The following MYO1D variants were observed in gnomAD, a reference collection of about 807,000 sequenced individuals.
The protein encoded by MYO1D is unconventional myosin-Id.
In MYO1D, 83 loss-of-function variants were observed where a neutral mutation model predicts 122.0. The observed-to-expected ratio is 0.68, with a 90% CI of 0.57 to 0.82. The LOEUF is 0.82. Among genes scored for constraint, MYO1D ranks in the 40% least tolerant of loss-of-function variants. The pLI, the probability that MYO1D is intolerant of heterozygous loss-of-function variation, is 0.00. For synonymous variants in MYO1D, 464 were observed against 446.9 expected (o/e 1.04, Z -0.48); for missense variants, 1,157 against 1,269.5 (o/e 0.91, Z 1.35).
At chr17:32,680,560 CATTT>C (rs2150966511) in intron 16 of MYO1D, among the ~76,000 whole-genome samples, 1 of 122,442 alleles carries the variant, frequency 8.2e-6, no homozygotes, top group East Asian at 2.4e-4. Context: ...TGCTGGATTA[CATTT>C]ATTGATTTGC....
intron 1 of MYO1D, among the ~76,000 whole-genome samples, chr17:32,860,256 A>G (rs2091058708): frequency 6.6e-6 from 1 of 152,198 alleles, no homozygotes; most frequent in African/African-American, 2.4e-5. Context: ...CTCTCTTATC[A>G]TTAGCCTTCT....
At chr17:32,515,091 G>A (rs540835838) in intron 21 of MYO1D, among the ~76,000 whole-genome samples, 6 of 152,178 alleles carry the variant, frequency 3.9e-5, no homozygotes, top group Non-Finnish European at 7.3e-5. Context: ...CCCCATTAAT[G>A]TTTGTTAATG....
chr17:32,730,487 C>T (rs1257788511), intron 14 of MYO1D, among the ~76,000 whole-genome samples: 1 of 152,106 alleles, frequency 6.6e-6, no homozygotes, highest in African/African-American at 2.4e-5. Flanking sequence ...TGATGAATAT[C>T]TTTTAGAATC....
At chr17:32,746,492 G>A (rs1443826676) in intron 12 of MYO1D, among the ~76,000 whole-genome samples, 2 of 152,056 alleles carry the variant, frequency 1.3e-5, no homozygotes, top group East Asian at 3.8e-4. Flanking sequence ...AATTCCAAAT[G>A]AGTAATTGCT....
intron 16 of MYO1D, among the ~76,000 whole-genome samples, chr17:32,692,190 C>G (rs1262672219): frequency 6.6e-6 from 1 of 152,170 alleles, no homozygotes; most frequent in Non-Finnish European, 1.5e-5. Context: ...CATAAACTTT[C>G]TGTTTTAGGT....
intron 21 of MYO1D, among the ~76,000 whole-genome samples, chr17:32,587,512 CAAAAAAAA>C (rs576200395): frequency 9.6e-6 from 1 of 104,236 alleles, no homozygotes; most frequent in Non-Finnish European, 2.0e-5. Flanking sequence ...AACTCCGTTT[CAAAAAAAA>C]AAAAAAAAAA....
At chr17:32,785,980 C>T (rs9902442) in intron 1 of MYO1D, among the ~76,000 whole-genome samples, 6,081 of 152,234 alleles carry the variant, frequency 0.04, 411 homozygotes, top group African/African-American at 0.14. Flanking sequence ...CTAGCCACAA[C>T]TCTGAACCAC....
intron 21 of MYO1D, among the ~76,000 whole-genome samples, chr17:32,562,967 T>A (rs2087139034): frequency 6.6e-6 from 1 of 152,184 alleles, no homozygotes; most frequent in African/African-American, 2.4e-5. Context: ...GTTTTCTAGA[T>A]TTATATCAAT....
chr17:32,619,836 T>A (rs564782935), intron 20 of MYO1D, among the ~76,000 whole-genome samples: 1 of 152,340 alleles, frequency 6.6e-6, no homozygotes, highest in Admixed American at 6.5e-5. Context: ...TAAAAAAAGA[T>A]TATTCACTCA....
chr17:32,697,426 T>A (rs1000296441), intron 16 of MYO1D, among the ~76,000 whole-genome samples: 1 of 152,296 alleles, frequency 6.6e-6, no homozygotes, highest in South Asian at 2.1e-4. Context: ...AAGCAGCATA[T>A]TTTTGACCAT....
At chr17:32,544,776 G>T (rs558252997) in intron 21 of MYO1D, among the ~76,000 whole-genome samples, 1 of 152,220 alleles carries the variant, frequency 6.6e-6, no homozygotes, top group East Asian at 1.9e-4. Context: ...AAGAGAAAAT[G>T]ATCAACACTT....
chr17:32,646,001 T>C (rs2088288299), intron 19 of MYO1D, among the ~76,000 whole-genome samples: 1 of 152,168 alleles, frequency 6.6e-6, no homozygotes, highest in Non-Finnish European at 1.5e-5. Flanking sequence ...ATTTTCAGTT[T>C]TTCTGCTCTG....
At chr17:32,549,823 G>A (rs1025789572) in intron 21 of MYO1D, among the ~76,000 whole-genome samples, 3 of 152,262 alleles carry the variant, frequency 2.0e-5, no homozygotes, top group East Asian at 1.9e-4. Flanking sequence ...GAAGTATTGC[G>A]AAATAGGAGT....
chr17:32,871,247 T>A (rs2151093623), intron 1 of MYO1D, among the ~76,000 whole-genome samples: 1 of 152,242 alleles, frequency 6.6e-6, no homozygotes, highest in African/African-American at 2.4e-5. Flanking sequence ...TCTAGAGACA[T>A]TTTTGGTTGT....
intron 1 of MYO1D, among the ~76,000 whole-genome samples, chr17:32,859,697 C>T (rs1281768992): frequency 2.6e-5 from 4 of 152,284 alleles, no homozygotes; most frequent in Middle Eastern, 3.4e-3. Context: ...CTGTCTTGTT[C>T]CTTCAGTCAT....
intron 21 of MYO1D, among the ~76,000 whole-genome samples, chr17:32,537,786 C>T (rs1910706691): frequency 6.6e-6 from 1 of 152,106 alleles, no homozygotes; most frequent in African/African-American, 2.4e-5. Flanking sequence ...ATATAAATGT[C>T]AGTTATTGGG....
At chr17:32,751,009 A>T (rs2089893089) in intron 11 of MYO1D, among the ~76,000 whole-genome samples, 1 of 152,234 alleles carries the variant, frequency 6.6e-6, no homozygotes, top group Admixed American at 6.5e-5. Flanking sequence ...CTAATGGAAC[A>T]TTCTTACATT....
intron 13 of MYO1D, among the ~76,000 whole-genome samples, chr17:32,743,133 T>C (rs2089791547): frequency 6.6e-6 from 1 of 152,210 alleles, no homozygotes; most frequent in Non-Finnish European, 1.5e-5. Flanking sequence ...CCTTTGCTAG[T>C]TCCTCTTTCC....
In MYO1D at chr17:32,613,542, G is replaced by A. The variant is rs995850070; in HGVS notation, c.2710-8301C>T. On this transcript the variant is annotated intron_variant, in intron 20 of 21. Coordinates refer to ENST00000318217, the MANE Select transcript of MYO1D (RefSeq NM_015194.3). ...TGTAATCCCAGCACTTTTGGAGGCC[G>A]AGGTGGGCAGATCACGAGGTCAGGA... 3.7e-4 allele frequency among the ~76,000 whole-genome samples: 56 copies of A among 152,134 alleles called. 1 individual carries two copies. Among genetic ancestry groups the A allele is most frequent in the South Asian group, 4.1e-4 (2 of 4,820 alleles).
Sources: allele counts gnomAD v4.1 joint callset (sites outside exome capture counted in the v4.1 genomes callset), GRCh38; gene constraint gnomAD v4.1.1; transcripts MANE v1.5; gene names NCBI Gene and HGNC (gene_info 2026-07-23, HGNC 2026-07-21).